HTR1F: variants seen among roughly 807,000 people sequenced by gnomAD.
The protein encoded by HTR1F is 5-hydroxytryptamine (serotonin) receptor 1F, G protein-coupled.
HTR1F carries 17 observed loss-of-function variants against 24.0 expected under a neutral mutation model. That is an observed-to-expected ratio of 0.71 (90% CI 0.48 to 1.06). The LOEUF is 1.06. Among genes scored for constraint, HTR1F ranks in the 50% least tolerant of loss-of-function variants. The pLI is 0.00. For synonymous variants in HTR1F, 186 were observed against 156.8 expected, an observed-to-expected ratio of 1.19 and a Z score of -1.39; for missense variants, 391 against 427.8, an observed-to-expected ratio of 0.91 and a Z score of 0.76.
chr3:87,850,423 A>C (rs1044124419), intron 2 of HTR1F, among the ~76,000 whole-genome samples: 1 of 151,878 alleles, frequency 6.6e-6, no homozygotes, highest in South Asian at 2.1e-4. Context: ...ACACATGAAC[A>C]CAGGAAGGGT....
At chr3:87,896,645 G>A (rs1351532023) in intron 2 of HTR1F, among the ~76,000 whole-genome samples, 2 of 152,000 alleles carry the variant, frequency 1.3e-5, no homozygotes, top group African/African-American at 4.8e-5. Flanking sequence ...CAATAGATTG[G>A]GAAAAAGTGT....
intron 2 of HTR1F, among the ~76,000 whole-genome samples, chr3:87,914,579 C>A (rs1319858066): frequency 6.6e-6 from 1 of 151,984 alleles, no homozygotes; most frequent in Non-Finnish European, 1.5e-5. Context: ...GCTTTCCCCC[C>A]ACTTCCCTGA....
intron 2 of HTR1F, among the ~76,000 whole-genome samples, chr3:87,925,326 T>A (rs1054367199): frequency 7.9e-5 from 12 of 152,128 alleles, no homozygotes; most frequent in Non-Finnish European, 1.3e-4. Flanking sequence ...TGGAGGCTGT[T>A]GTGGGTGCTG....
intron 2 of HTR1F, among the ~76,000 whole-genome samples, chr3:87,938,832 A>C (rs535325206): frequency 3.3e-5 from 5 of 152,282 alleles, no homozygotes; most frequent in African/African-American, 1.2e-4. Context: ...AAACTATAAA[A>C]ACCTGGAAGA....
At chr3:87,961,002 A>G (rs2015394) in intron 2 of HTR1F, among the ~76,000 whole-genome samples, 55,991 of 148,888 alleles carry the variant, frequency 0.38, 11,284 homozygotes, top group African/African-American at 0.58. Flanking sequence ...GGTATGGTGC[A>G]CACACACACA....
At chr3:87,892,436 C>T (rs111314956) in intron 2 of HTR1F, among the ~76,000 whole-genome samples, 1 of 152,014 alleles carries the variant, frequency 6.6e-6, no homozygotes, top group East Asian at 1.9e-4. Context: ...TTTACAATTA[C>T]CATAAAGGCG....
At chr3:87,828,397 A>T (rs1007881247) in intron 2 of HTR1F, among the ~76,000 whole-genome samples, 1 of 152,254 alleles carries the variant, frequency 6.6e-6, no homozygotes, top group Non-Finnish European at 1.5e-5. Flanking sequence ...AAGTGTAAAT[A>T]CAACTCTTAA....
At chr3:87,817,187 A>G (rs1045150580) in intron 1 of HTR1F, among the ~76,000 whole-genome samples, 1 of 152,158 alleles carries the variant, frequency 6.6e-6, no homozygotes, top group African/African-American at 2.4e-5. Flanking sequence ...TGGAAAAAGT[A>G]TCAACTTTGC....
intron 1 of HTR1F, among the ~76,000 whole-genome samples, chr3:87,795,655 C>T (rs1174535448): frequency 1.3e-5 from 2 of 152,114 alleles, no homozygotes; most frequent in African/African-American, 2.4e-5. Context: ...CCACAGTTCC[C>T]GTGCCCTGTA....
chr3:87,892,996 T>G (rs949908430), intron 2 of HTR1F, among the ~76,000 whole-genome samples: 1 of 152,050 alleles, frequency 6.6e-6, no homozygotes, highest in African/African-American at 2.4e-5. Context: ...TATATGTAAG[T>G]TAAGTATGAT....
intron 2 of HTR1F, among the ~76,000 whole-genome samples, chr3:87,989,853 C>T (rs925659590): frequency 1.3e-5 from 2 of 152,114 alleles, no homozygotes; most frequent in African/African-American, 4.8e-5. Context: ...TAACCAGTTA[C>T]AGGGAGAAGG....
intron 2 of HTR1F, among the ~76,000 whole-genome samples, chr3:87,870,587 G>C (rs1705532413): frequency 6.6e-6 from 1 of 151,982 alleles, no homozygotes; most frequent in Non-Finnish European, 1.5e-5. Context: ...AGAAAGAAAG[G>C]GGAACACACA....
intron 2 of HTR1F, among the ~76,000 whole-genome samples, chr3:87,960,993 G>A (rs1192336234): frequency 6.7e-6 from 1 of 150,212 alleles, no homozygotes; most frequent in African/African-American, 2.5e-5. Flanking sequence ...AGTGTACTTG[G>A]TATGGTGCAC....
At chr3:87,971,359 G>T (rs1261364173) in intron 2 of HTR1F, among the ~76,000 whole-genome samples, 4 of 152,202 alleles carry the variant, frequency 2.6e-5, no homozygotes, top group African/African-American at 9.6e-5. Flanking sequence ...CTTGAGCCCA[G>T]GAGCTTGAGA....
chr3:87,913,233 A>G (rs1559629023), intron 2 of HTR1F, among the ~76,000 whole-genome samples: 1 of 152,128 alleles, frequency 6.6e-6, no homozygotes, highest in Non-Finnish European at 1.5e-5. Flanking sequence ...AACCTAAAAA[A>G]CATTAAAAGA....
At chr3:87,800,200 C>T (rs1703970157) in intron 1 of HTR1F, among the ~76,000 whole-genome samples, 1 of 152,072 alleles carries the variant, frequency 6.6e-6, no homozygotes, top group Non-Finnish European at 1.5e-5. Context: ...TTAGTGGCTC[C>T]TCATGTCATT....
chr3:87,831,458 C>G (rs1704578081), intron 2 of HTR1F, among the ~76,000 whole-genome samples: 1 of 151,596 alleles, frequency 6.6e-6, no homozygotes, highest in Non-Finnish European at 1.5e-5. Context: ...AGCCTCCCGG[C>G]TTCACGCCAT....
At chr3:87,850,385 A>G (rs1432479785) in intron 2 of HTR1F, among the ~76,000 whole-genome samples, 1 of 151,800 alleles carries the variant, frequency 6.6e-6, no homozygotes, top group Non-Finnish European at 1.5e-5. Flanking sequence ...GCATGTTCTC[A>G]CTCATAGGTC....
chr3:87,915,080 G>C (rs1047821109), intron 2 of HTR1F, among the ~76,000 whole-genome samples: 3 of 152,114 alleles, frequency 2.0e-5, no homozygotes, highest in Admixed American at 6.6e-5. Context: ...TTTGGTGGGT[G>C]GTTAGATCCA....
Sources: allele counts gnomAD v4.1 joint callset (sites outside exome capture counted in the v4.1 genomes callset), GRCh38; gene constraint gnomAD v4.1.1; transcripts MANE v1.5; gene names NCBI Gene and HGNC (gene_info 2026-07-23, HGNC 2026-07-21).